The following CDH2 variants were observed in gnomAD, a reference collection of about 807,000 sequenced individuals.
CDH2 encodes cadherin 2, also known as cadherin-2.
CDH2 carries 17 observed loss-of-function variants against 92.0 expected under a neutral mutation model. That is an observed-to-expected ratio of 0.18 (90% CI 0.13 to 0.28). The LOEUF is 0.28. Ranked by LOEUF, CDH2 falls within the 10% of genes least tolerant of loss-of-function variation. The pLI, the probability that CDH2 is intolerant of heterozygous loss-of-function variation, is 1.00. For synonymous variants in CDH2, 419 were observed against 415.9 expected (o/e 1.01, Z -0.09); for missense variants, 862 against 1,133.1 (o/e 0.76, Z 3.44).
chr18:27,955,138 A>G (rs985651049), intron 15 of CDH2, among the ~76,000 whole-genome samples: 2 of 152,246 alleles, frequency 1.3e-5, no homozygotes, highest in South Asian at 4.1e-4. Flanking sequence ...CTGCTTTACC[A>G]CAATTTAATT....
intron 10 of CDH2, 120 bp from the exon 11 acceptor site, chr18:27,988,786 C>T: frequency 1.4e-6 from 1 of 705,774 alleles, no homozygotes; most frequent in South Asian, 1.9e-5. Flanking sequence ...GATGGCTGGA[C>T]ATACAGCTTT....
At chr18:28,012,257 C>A (rs948346642) in intron 3 of CDH2, among the ~76,000 whole-genome samples, 3 of 152,032 alleles carry the variant, frequency 2.0e-5, no homozygotes, top group Non-Finnish European at 4.4e-5. Context: ...TTTCTATAAA[C>A]CTTTTTAGAT....
chr18:28,064,118 C>G (rs1214055092), intron 2 of CDH2, among the ~76,000 whole-genome samples: 2 of 147,438 alleles, frequency 1.4e-5, no homozygotes, highest in Non-Finnish European at 3.0e-5. Flanking sequence ...TCTCTTAAAA[C>G]TATGAATTCC....
chr18:28,086,667 C>T (rs1361098707), intron 2 of CDH2, among the ~76,000 whole-genome samples: 2 of 151,192 alleles, frequency 1.3e-5, no homozygotes, highest in African/African-American at 2.4e-5. Flanking sequence ...ACACACAAGA[C>T]ACACTAGGGG....
At chr18:28,128,513 T>C (rs2015713670) in intron 2 of CDH2, among the ~76,000 whole-genome samples, 1 of 151,972 alleles carries the variant, frequency 6.6e-6, no homozygotes, top group South Asian at 2.1e-4. Flanking sequence ...GGCGAAACCC[T>C]GTCTCTACAA....
At chr18:28,165,644 G>A (rs1407153799) in intron 1 of CDH2, among the ~76,000 whole-genome samples, 1 of 151,630 alleles carries the variant, frequency 6.6e-6, no homozygotes, top group Non-Finnish European at 1.5e-5. Flanking sequence ...TGTTGTCCAA[G>A]TCCACACAAA....
intron 11 of CDH2, among the ~76,000 whole-genome samples, chr18:27,988,269 C>T (rs1464214182): frequency 2.6e-5 from 4 of 152,106 alleles, no homozygotes; most frequent in Non-Finnish European, 4.4e-5. Flanking sequence ...CTTAAGGCAT[C>T]AACATGTGAC....
intron 2 of CDH2, among the ~76,000 whole-genome samples, chr18:28,125,043 G>A (rs2015654102): frequency 6.6e-6 from 1 of 152,204 alleles, no homozygotes; most frequent in South Asian, 2.1e-4. Flanking sequence ...GTACTTTTTA[G>A]TTGGGCAGGG....
At chr18:28,037,380 T>C (rs540602136) in intron 2 of CDH2, among the ~76,000 whole-genome samples, 2 of 152,308 alleles carry the variant, frequency 1.3e-5, no homozygotes, top group South Asian at 2.1e-4. Context: ...GAGCTACTTT[T>C]AACAATGGAT....
intron 6 of CDH2, among the ~76,000 whole-genome samples, chr18:27,937,358 T>C (rs1909043356): frequency 6.6e-6 from 1 of 152,192 alleles, no homozygotes; most frequent in Admixed American, 6.5e-5. Context: ...CTATGTGATT[T>C]TAGGCAACTT....
At chr18:28,080,317 A>G (rs1014121959) in intron 2 of CDH2, among the ~76,000 whole-genome samples, 2 of 152,208 alleles carry the variant, frequency 1.3e-5, no homozygotes, top group African/African-American at 2.4e-5. Context: ...TTCACTTCCT[A>G]TTTAATAAGG....
intron 6 of CDH2, among the ~76,000 whole-genome samples, chr18:27,941,938 G>A (rs765280640): frequency 6.6e-6 from 1 of 152,192 alleles, no homozygotes; most frequent in Non-Finnish European, 1.5e-5. Flanking sequence ...GTTAACAGGT[G>A]CTGAAGCATT....
rs201711817 is a variant in CDH2, at chr18:27,963,341, G to C, written c.2514+16C>G. 5 of 1,611,450 alleles carry C rather than the reference G, an allele frequency of 3.1e-6. No individual in the cohort carries two copies. The highest frequency in any genetic ancestry group is 1.1e-5 in the South Asian group (1 of 90,940). ...AAATGAAAACTCTTATAGAGAAAAC[G>C]AGTGTCTCTCTGTACCTCATTAATG... is the stretch of plus-strand genomic sequence containing the variant. On this transcript the variant is annotated intron_variant, in intron 15 of 15. Transcript: ENST00000269141.
intron 1 of CDH2, among the ~76,000 whole-genome samples, chr18:28,157,257 G>T (rs73948419): frequency 0.011 from 1,642 of 152,270 alleles, 35 homozygotes; most frequent in African/African-American, 0.037. Flanking sequence ...TACTCAAAAT[G>T]TTATCAAATA....
chr18:28,042,684 G>A (rs896331164), intron 2 of CDH2, among the ~76,000 whole-genome samples: 1 of 152,094 alleles, frequency 6.6e-6, no homozygotes, highest in Admixed American at 6.6e-5. Context: ...ATTAAAGCAA[G>A]ATTTGCATCG....
intron 14 of CDH2, among the ~76,000 whole-genome samples, chr18:27,969,789 G>C (rs1449131275): frequency 3.8e-4 from 58 of 152,298 alleles, no homozygotes; most frequent in Non-Finnish European, 1.5e-5. Context: ...GGCCGAGGCG[G>C]GTGGATCACT....
At position 28,104,807 on chromosome 18, in the gene CDH2, G is replaced by A. The variant is rs143883468; in HGVS notation, c.172+42866C>T. Among the ~76,000 whole-genome samples the A allele has an allele frequency of 4.9e-3, 733 of 150,540 alleles. 5 individuals are homozygous for A. Among genetic ancestry groups the A allele is most frequent in the Non-Finnish European group, 6.6e-3 (445 of 67,692 alleles). ...TGTTTAGGTAATCAAATGCTTTTTC[G>A]CCTACTGAATTATGCTTAATTCTGT... On this transcript the variant is annotated intron_variant, in intron 2 of 15. Coordinates refer to ENST00000269141, the MANE Select transcript of CDH2 (RefSeq NM_001792.5).
intron 2 of CDH2, among the ~76,000 whole-genome samples, chr18:28,122,833 A>C (rs1046963707): frequency 1.3e-5 from 2 of 152,170 alleles, no homozygotes; most frequent in African/African-American, 2.4e-5. Context: ...AACACTTAGT[A>C]ACTAAAAGAA....
chr18:28,021,124 T>G (rs1319805236), intron 2 of CDH2, among the ~76,000 whole-genome samples: 2 of 151,942 alleles, frequency 1.3e-5, no homozygotes, highest in Non-Finnish European at 2.9e-5. Context: ...TTAGTCAGAG[T>G]TGGATAATAT....
Sources: gnomAD v4.1 joint callset for allele counts (sites outside exome capture counted in the v4.1 genomes callset) on GRCh38, gnomAD v4.1.1 for gene constraint, MANE v1.5 for transcripts, NCBI Gene and HGNC (gene_info 2026-07-23, HGNC 2026-07-21) for gene names.